The following CACHD1 variants were observed in gnomAD, a reference collection of about 807,000 sequenced individuals.
CACHD1 encodes the protein cache domain containing 1.
Under a neutral mutation model 138.7 loss-of-function variants are expected in CACHD1, and 71 were observed. That is an observed-to-expected ratio of 0.51 (90% CI 0.42 to 0.62). The LOEUF (loss-of-function observed/expected upper bound fraction) is 0.62, where lower values mean the gene tolerates loss of function less well. CACHD1 is among the 20% of genes least tolerant of loss of function. The pLI, the probability that CACHD1 is intolerant of heterozygous loss-of-function variation, is 0.00. For missense variants in CACHD1, 1,389 were observed against 1,625.3 expected (o/e 0.85, Z 2.50); for synonymous variants, 578 against 591.5 (o/e 0.98, Z 0.33).
intron 1 of CACHD1, among the ~76,000 whole-genome samples, chr1:64,498,285 A>G (rs917993570): frequency 6.6e-6 from 1 of 152,226 alleles, no homozygotes; most frequent in African/African-American, 2.4e-5. Context: ...TCACTCATGT[A>G]CAGTACCAAA....
chr1:64,661,070 G>A (rs981029934), intron 13 of CACHD1, among the ~76,000 whole-genome samples: 2 of 152,048 alleles, frequency 1.3e-5, no homozygotes, highest in African/African-American at 4.8e-5. Flanking sequence ...GTAATCAAGG[G>A]CATCTTAGTT....
In CACHD1 at chr1:64,477,650, C is replaced by T. The variant is rs1176930379; in HGVS notation, c.198+6708C>T. Among the ~76,000 whole-genome samples the T allele has an allele frequency of 1.0e-4, 14 of 139,024 alleles. 1 individual carries two copies. Among genetic ancestry groups the T allele is most frequent in the East Asian group, 4.2e-4 (2 of 4,774 alleles). The allele number at this position is 139,024 out of a possible 152,430, so 91.2% of individuals were successfully genotyped here. A position where few individuals can be genotyped will look rare whatever the true frequency, so the allele number is the denominator to read the frequency against. On this transcript the variant is annotated intron_variant, in intron 1 of 26. Transcript: ENST00000651257. ...TTTTATTTTATTTTTTTTTTTGAGA[C>T]GGAGTCTCGCTCTGTCGCCCAGGCC...
chr1:64,621,772 G>A (rs1048804683), intron 4 of CACHD1, among the ~76,000 whole-genome samples: 7 of 152,172 alleles, frequency 4.6e-5, no homozygotes, highest in Non-Finnish European at 1.0e-4. Flanking sequence ...GAGTTGAAGG[G>A]GGAAGAGGTG....
intron 2 of CACHD1, among the ~76,000 whole-genome samples, chr1:64,555,918 G>C (rs1235718135): frequency 6.6e-6 from 1 of 152,148 alleles, no homozygotes; most frequent in Non-Finnish European, 1.5e-5. Flanking sequence ...GAGTTTTTGT[G>C]TATGTATGAA....
chr1:64,516,223 T>C (rs1379526366), intron 1 of CACHD1, among the ~76,000 whole-genome samples: 1 of 152,202 alleles, frequency 6.6e-6, no homozygotes, highest in Non-Finnish European at 1.5e-5. Context: ...TTCTTTTTTC[T>C]CCTGGTGATT....
At chr1:64,511,136 G>A (rs1267105657) in intron 1 of CACHD1, among the ~76,000 whole-genome samples, 1 of 152,236 alleles carries the variant, frequency 6.6e-6, no homozygotes, top group Non-Finnish European at 1.5e-5. Flanking sequence ...AGCAGATGGA[G>A]TACGGTATGT....
At chr1:64,599,588 AC>A (rs1470473364) in intron 3 of CACHD1, among the ~76,000 whole-genome samples, 1 of 152,182 alleles carries the variant, frequency 6.6e-6, no homozygotes, top group Non-Finnish European at 1.5e-5. Flanking sequence ...ATTATTGTTG[AC>A]AAGTACCACA....
Position 64,678,324 on chromosome 1 carries a change from A to C in CACHD1, c.3244+14A>C, listed in dbSNP as rs754104351. ...TGGGAGCAATAGGTATGTTTGTTAGATGCCCCAACAATTTGATTCTTGAAT... is the reference window on the plus strand; with the variant it reads ...TGGGAGCAATAGGTATGTTTGTTAGCTGCCCCAACAATTTGATTCTTGAAT... On this transcript the variant is annotated intron_variant, in intron 23 of 26. Transcript: ENST00000651257. 2 of 1,540,398 alleles carry C rather than the reference A, an allele frequency of 1.3e-6. No individual in the cohort carries two copies. The highest frequency in any genetic ancestry group is 1.7e-6 in the Non-Finnish European group (2 of 1,147,076).
intron 1 of CACHD1, among the ~76,000 whole-genome samples, chr1:64,476,857 C>T (rs2100262964): frequency 6.6e-6 from 1 of 152,324 alleles, no homozygotes; most frequent in East Asian, 1.9e-4. Context: ...TTTCTGGTTG[C>T]TGCTTGAGGA....
chr1:64,548,580 A>G (rs905501787), intron 1 of CACHD1, among the ~76,000 whole-genome samples: 5 of 152,168 alleles, frequency 3.3e-5, no homozygotes, highest in South Asian at 2.1e-4. Flanking sequence ...TTCTTCCAAA[A>G]TGAGTATTTC....
At chr1:64,597,524 GTTTTTTTTTTTT>G (rs34162933) in intron 3 of CACHD1, among the ~76,000 whole-genome samples, 5 of 80,400 alleles carry the variant, frequency 6.2e-5, no homozygotes, top group South Asian at 5.2e-4. Context: ...TTTTTTTGTT[GTTTTTTTTTTTT>G]TTTTTTTTTT....
chr1:64,574,061 G>GC (rs1419600592), intron 2 of CACHD1, among the ~76,000 whole-genome samples: 1 of 152,156 alleles, frequency 6.6e-6, no homozygotes, highest in East Asian at 1.9e-4. Context: ...GCTTCAAAGA[G>GC]GTTGAAATTG....
At chr1:64,476,728 A>G (rs1248767953) in intron 1 of CACHD1, among the ~76,000 whole-genome samples, 2 of 152,210 alleles carry the variant, frequency 1.3e-5, no homozygotes, top group Non-Finnish European at 2.9e-5. Flanking sequence ...ACTAATGCCT[A>G]TCTTTGCTGG....
rs1378118261 is a variant in CACHD1, at chr1:64,663,549, T to TG, written c.1952-145dup. 5 of 893,906 alleles carry TG rather than the reference T, an allele frequency of 5.6e-6. No individual in the cohort carries two copies. The African/African-American group carries it at 8.9e-5, about 16-fold the overall frequency. 55.4% of individuals were successfully genotyped at this position (893,906 alleles called of 1,614,324 possible). ...CTGGGCCACAGAGCGAGACTCCATCTGAAAAAAAAAAAAAAAGAAAAAAAG... is the reference window on the plus strand; with the variant it reads ...CTGGGCCACAGAGCGAGACTCCATCTGGAAAAAAAAAAAAAAAGAAAAAAAG... On this transcript the variant is annotated intron_variant, in intron 13 of 26. Coordinates refer to ENST00000651257, the MANE Select transcript of CACHD1 (RefSeq NM_020925.4).
At chr1:64,659,066 G>A (rs1166796129) in intron 13 of CACHD1, among the ~76,000 whole-genome samples, 193 bp downstream of exon 13, 1 of 152,158 alleles carries the variant, frequency 6.6e-6, no homozygotes, top group African/African-American at 2.4e-5. Context: ...CTGAGACAAG[G>A]TTTCGTGTGC....
At chr1:64,483,868 C>T (rs1646225859) in intron 1 of CACHD1, among the ~76,000 whole-genome samples, 1 of 144,014 alleles carries the variant, frequency 6.9e-6, no homozygotes, top group Non-Finnish European at 1.5e-5. Flanking sequence ...TTACCTTCCC[C>T]CCCCCCCTTG....
chr1:64,610,576 A>T (rs1410281631), intron 4 of CACHD1, among the ~76,000 whole-genome samples: 1 of 152,226 alleles, frequency 6.6e-6, no homozygotes, highest in Non-Finnish European at 1.5e-5. Context: ...TCCTTTGACT[A>T]GATGTCCCAC....
chr1:64,668,487 C>T (rs924918557), intron 16 of CACHD1, among the ~76,000 whole-genome samples: 5 of 152,218 alleles, frequency 3.3e-5, no homozygotes, highest in Admixed American at 6.5e-5. Flanking sequence ...CACTGCACTC[C>T]AGCCTGGGCA....
chr1:64,529,250 C>T (rs2100396487), intron 1 of CACHD1, among the ~76,000 whole-genome samples: 1 of 152,128 alleles, frequency 6.6e-6, no homozygotes, highest in East Asian at 1.9e-4. Flanking sequence ...ATTTTTTCTA[C>T]CTTTGCAGTA....
Sources: allele counts gnomAD v4.1 joint callset (sites outside exome capture counted in the v4.1 genomes callset), GRCh38; gene constraint gnomAD v4.1.1; transcripts MANE v1.5; gene names NCBI Gene and HGNC (gene_info 2026-07-23, HGNC 2026-07-21).